C5AR2: variants seen among roughly 807,000 people sequenced by gnomAD.
The protein encoded by C5AR2 is C5a anaphylatoxin chemotactic receptor 2.
For missense variants in C5AR2, 458 were observed against 467.5 expected (o/e 0.98, Z 0.19); for synonymous variants, 224 against 216.5 (o/e 1.03, Z -0.30).
intron 1 of C5AR2, among the ~76,000 whole-genome samples, chr19:47,339,940 G>T (rs974900842): frequency 6.6e-6 from 1 of 151,878 alleles, no homozygotes; most frequent in South Asian, 2.1e-4. Context: ...TTTGGATTTT[G>T]CTCATTTCTT....
intron 1 of C5AR2, among the ~76,000 whole-genome samples, chr19:47,334,888 A>ATTTT (rs1568667475): frequency 2.4e-4 from 1 of 4,140 alleles, no homozygotes; most frequent in African/African-American, 4.9e-4. Flanking sequence ...AGCCAAATCC[A>ATTTT]ATTTTTTTTT....
Position 47,341,714 on chromosome 19 carries a change from T to C in C5AR2, c.915T>C (p.Ala305=), listed in dbSNP as rs1358567642. ...GRAQLRRSLP[A]ACHWALRESQ... ...CTCAACTCCGCCGGTCACTGCCAGCTGCCTGTCACTGGGCCCTGAGGGAGT... is the reference window on the plus strand; with the variant it reads ...CTCAACTCCGCCGGTCACTGCCAGCCGCCTGTCACTGGGCCCTGAGGGAGT... The change falls in exon 2 of 2, where the codon GCT becomes GCC. Residue 305 remains alanine (A), a synonymous_variant. Coordinates refer to ENST00000595464, the MANE Select transcript of C5AR2 (RefSeq NM_001271749.2). This position sits in a 1 kb window ranked among gnomAD's most constrained non-coding sequence, Gnocchi z 4.6. The C allele has an allele frequency of 1.2e-6, 2 of 1,613,874 alleles. No homozygotes were observed. Among genetic ancestry groups the C allele is most frequent in the Admixed American group, 3.3e-5 (2 of 59,998 alleles).
chr19:47,339,101 C>A (rs1391123579), intron 1 of C5AR2, among the ~76,000 whole-genome samples: 1 of 151,142 alleles, frequency 6.6e-6, no homozygotes, highest in Non-Finnish European at 1.5e-5. Context: ...TTGCAGTGAG[C>A]CGAGATCATG....
At position 47,340,944 on chromosome 19, in the gene C5AR2, G is replaced by T; in HGVS notation, c.145G>T (p.Gly49Trp). 6.2e-7 allele frequency: 1 copy of T among 1,612,026 alleles called. No individual in the cohort carries two copies. Among genetic ancestry groups the T allele is most frequent in the Non-Finnish European group, 8.5e-7 (1 of 1,179,914 alleles). ...ACTGTATGCCGCCATCTTCCTGGTG[G>T]GGGTGCCGGGCAATGCCATGGTGGC... ...LPLYAAIFLVGVPGNAMVAWV... is the reference protein window; with the variant it reads ...LPLYAAIFLVWVPGNAMVAWV... The change falls in exon 2 of 2, where the codon GGG (glycine) becomes TGG (tryptophan). Residue 49 changes from glycine (G) to tryptophan (W), a missense_variant. Coordinates refer to ENST00000595464, the MANE Select transcript of C5AR2 (RefSeq NM_001271749.2).
chr19:47,341,735 G>A lies in C5AR2; in HGVS notation c.936G>A (p.Arg312=), dbSNP rs755504740. 3 of 1,613,616 alleles carry A rather than the reference G, an allele frequency of 1.9e-6. No individual in the cohort carries two copies. Among genetic ancestry groups the A allele is most frequent in the Non-Finnish European group, 2.5e-6 (3 of 1,179,924 alleles). ...SLPAACHWAL[R]ESQGQDESVD... is the part of the protein sequence containing the mutation. ...CAGCTGCCTGTCACTGGGCCCTGAG[G>A]GAGTCCCAGGGCCAGGACGAAAGTG... is the stretch of plus-strand genomic sequence containing the variant. Residue 312 remains arginine (R), a synonymous_variant, in exon 2 of 2, where the codon AGG becomes AGA. Coordinates refer to ENST00000595464, the MANE Select transcript of C5AR2 (RefSeq NM_001271749.2). This position sits in a 1 kb window ranked among gnomAD's most constrained non-coding sequence, Gnocchi z 4.6.
At chr19:47,337,726 T>G (rs1345142040) in intron 1 of C5AR2, among the ~76,000 whole-genome samples, 1 of 151,938 alleles carries the variant, frequency 6.6e-6, no homozygotes, top group Non-Finnish European at 1.5e-5. Flanking sequence ...TCTCTGTGCC[T>G]TATCTGTAGA....
In C5AR2 at chr19:47,343,537, G is replaced by A. The variant is rs562750437; in HGVS notation, c.*1724G>A. ...TTCGAATCAATTGGCCAGGCCTGGT[G>A]GCTCCTGCCTATAATCTCAGCACTT... On this transcript the variant is annotated 3_prime_UTR_variant, in exon 2 of 2. Transcript: ENST00000595464. 1 of 152,346 alleles carries A rather than the reference G, an allele frequency of 6.6e-6. No individual in the cohort carries two copies. Among genetic ancestry groups the A allele is most frequent in the South Asian group, 2.1e-4 (1 of 4,822 alleles). The allele number at this position is 152,346 out of a possible 1,614,324, so 9.4% of individuals were successfully genotyped here.
chr19:47,335,580 G>A (rs187150674), intron 1 of C5AR2, among the ~76,000 whole-genome samples: 108 of 151,218 alleles, frequency 7.1e-4, no homozygotes, highest in Non-Finnish European at 1.1e-3. Context: ...AGACCATCCT[G>A]GCTAACACGG....
chr19:47,334,488 C>T (rs1237965205), intron 1 of C5AR2, among the ~76,000 whole-genome samples: 1 of 133,572 alleles, frequency 7.5e-6, no homozygotes, highest in Non-Finnish European at 1.6e-5. Flanking sequence ...AAAAAATTAG[C>T]TGGGCATGAT....
chr19:47,347,167 G>C lies in C5AR2; in HGVS notation c.*5354G>C, dbSNP rs1055452406. On this transcript the variant is annotated 3_prime_UTR_variant, in exon 2 of 2. Coordinates refer to ENST00000595464, the MANE Select transcript of C5AR2 (RefSeq NM_001271749.2). ...ACCATAGAAATATTGATTTCCTTAA[G>C]TTTTCAAAGAACCAAGTTATTAATA... 5 of 151,882 alleles carry C rather than the reference G, an allele frequency of 3.3e-5. No individual in the cohort carries two copies. The highest frequency in any genetic ancestry group is 7.4e-5 in the Non-Finnish European group (5 of 67,988). The allele number at this position is 151,882 out of a possible 1,614,324, so 9.4% of individuals were successfully genotyped here. A position where few individuals can be genotyped will look rare whatever the true frequency, so the allele number is the denominator to read the frequency against.
Position 47,345,533 on chromosome 19 carries a change from G to GTT in C5AR2, c.*3732_*3733dup, listed in dbSNP as rs945609427. 9 of 140,418 alleles carry GTT rather than the reference G, an allele frequency of 6.4e-5. No homozygotes were observed. The highest frequency in any genetic ancestry group is 1.3e-4 in the African/African-American group (5 of 38,470). The allele number at this position is 140,418 out of a possible 1,614,324, so 8.7% of individuals were successfully genotyped here. A position where few individuals can be genotyped will look rare whatever the true frequency, so the allele number is the denominator to read the frequency against. ...GCGTGTGCCACCAAACCCAGCTAAT[G>GTT]TTTTTTTTTTTTTATTTTTAGTAGA... is the stretch of plus-strand genomic sequence containing the variant. On this transcript the variant is annotated 3_prime_UTR_variant, in exon 2 of 2. Coordinates refer to ENST00000595464, the MANE Select transcript of C5AR2 (RefSeq NM_001271749.2).
chr19:47,341,328 C>G lies in C5AR2; in HGVS notation c.529C>G (p.Gln177Glu). 1.9e-6 allele frequency: 3 copies of G among 1,611,578 alleles called. No homozygotes were observed. Among genetic ancestry groups the G allele is most frequent in the Non-Finnish European group, 2.5e-6 (3 of 1,179,892 alleles). Residue 177 changes from glutamine (Q) to glutamate (E), a missense_variant, in exon 2 of 2, where the codon CAG becomes GAG. Coordinates refer to ENST00000595464, the MANE Select transcript of C5AR2 (RefSeq NM_001271749.2). The surrounding 1 kb of genome is among the most constrained non-coding windows in gnomAD (Gnocchi z 4.6). ...VPSAIYRRLH[Q>E]EHFPARLQCV... ...CTCCGCCATCTACCGCCGGCTGCAC[C>G]AGGAGCACTTCCCAGCCCGGCTGCA...
chr19:47,334,923 C>A (rs1192729721), intron 1 of C5AR2, among the ~76,000 whole-genome samples: 1 of 151,074 alleles, frequency 6.6e-6, no homozygotes, highest in African/African-American at 2.4e-5. Flanking sequence ...CTCACTCTGT[C>A]ACCCATGCTG....
At chr19:47,332,412 C>G (rs141667563) in intron 1 of C5AR2, 63 bp downstream of exon 1, 1 of 152,178 alleles carries the variant, frequency 6.6e-6, no homozygotes, top group Non-Finnish European at 1.5e-5. Context: ...CTTGGCTTCT[C>G]GGAATCATTA....
intron 1 of C5AR2, among the ~76,000 whole-genome samples, chr19:47,335,771 C>CAAAAAAAAAAAAAAAAAAA (rs768761019): frequency 4.3e-5 from 1 of 23,036 alleles, no homozygotes; most frequent in African/African-American, 2.1e-4. Flanking sequence ...TACTCCGTCT[C>CAAAAAAAAAAAAAAAAAAA]AAAAAAAAAA....
Position 47,336,385 on chromosome 19 carries a change from C to T in C5AR2, c.-16+4036C>T, listed in dbSNP as rs538205106. On this transcript the variant is annotated intron_variant, in intron 1 of 1. Coordinates refer to ENST00000595464, the MANE Select transcript of C5AR2 (RefSeq NM_001271749.2). ...GATTACAGGTGTGAGCCACTGTGCC[C>T]GGCTAGGGGGGGTTCAGTTTTTAAA... Among the ~76,000 whole-genome samples, 20 of 150,266 alleles carry T rather than the reference C, an allele frequency of 1.3e-4. 1 individual carries two copies. The highest frequency in any genetic ancestry group is 4.7e-4 in the African/African-American group (19 of 40,858).
At chr19:47,336,661 T>TA (rs1426632223) in intron 1 of C5AR2, among the ~76,000 whole-genome samples, 2 of 151,748 alleles carry the variant, frequency 1.3e-5, no homozygotes, top group Non-Finnish European at 2.9e-5. Flanking sequence ...CACGAACCAC[T>TA]ATGCCTGGCT....
chr19:47,338,248 G>C (rs7256417), intron 1 of C5AR2, among the ~76,000 whole-genome samples: 149,769 of 151,440 alleles, frequency 0.99, 74,072 homozygotes, highest in East Asian at 1. Context: ...GCACTCCAGC[G>C]TTGGCAAGAT....
rs1238414929 is a variant in C5AR2, at chr19:47,342,404, A to G, written c.*591A>G. On this transcript the variant is annotated 3_prime_UTR_variant, in exon 2 of 2. Coordinates refer to ENST00000595464, the MANE Select transcript of C5AR2 (RefSeq NM_001271749.2). ...CTATTTATTTATTTATTTTTTTGAG[A>G]TGGAGTCTCGCTCTGTCGCCCAGGC... 1 of 149,958 alleles carries G rather than the reference A, an allele frequency of 6.7e-6. No homozygotes were observed. The highest frequency in any genetic ancestry group is 2.2e-4 in the South Asian group (1 of 4,638). The allele number at this position is 149,958 out of a possible 1,614,324, so 9.3% of individuals were successfully genotyped here.
Sources: allele counts gnomAD v4.1 joint callset (sites outside exome capture counted in the v4.1 genomes callset), GRCh38; gene constraint gnomAD v4.1.1; non-coding constraint Gnocchi (gnomAD v3.1); transcripts MANE v1.5; gene names NCBI Gene and HGNC (gene_info 2026-07-23, HGNC 2026-07-21).